The following LHFPL3 variants were observed in gnomAD, a reference collection of about 807,000 sequenced individuals.
LHFPL3 encodes LHFPL tetraspan subfamily member 3, also known as LHFPL tetraspan subfamily member 3 protein.
Under a neutral mutation model 19.3 loss-of-function variants are expected in LHFPL3, and 5 were observed. That is an observed-to-expected ratio of 0.26 (90% CI 0.14 to 0.54). The LOEUF (loss-of-function observed/expected upper bound fraction) is 0.54. Ranked by LOEUF, LHFPL3 falls within the 20% of genes least tolerant of loss-of-function variation. The pLI, the probability that LHFPL3 is intolerant of heterozygous loss-of-function variation, is 0.94. For missense variants in LHFPL3, 249 were observed against 307.4 expected, an observed-to-expected ratio of 0.81 and a Z score of 1.42; for synonymous variants, 133 against 126.2, an observed-to-expected ratio of 1.05 and a Z score of -0.36.
Position 104,363,601 on chromosome 7 carries a change from G to A in LHFPL3, c.445+34377G>A, listed in dbSNP as rs570445537. Among the ~76,000 whole-genome samples, 4 of 152,290 alleles carry A rather than the reference G, an allele frequency of 2.6e-5. No individual in the cohort carries two copies. The South Asian group carries it at 8.3e-4, about 32-fold the overall frequency. On this transcript the variant is annotated intron_variant, in intron 1 of 2. Transcript: ENST00000424859. ...AGGCTGAGACAGGTGAGGTATCTGT[G>A]GCATCCACTCTCAGTGTTGTGCAAG...
At chr7:104,421,031 A>G (rs1251353807) in intron 1 of LHFPL3, among the ~76,000 whole-genome samples, 1 of 152,206 alleles carries the variant, frequency 6.6e-6, no homozygotes, top group African/African-American at 2.4e-5. Flanking sequence ...ATAGCCAGAT[A>G]GAGAAGGTTG....
At chr7:104,733,578 G>T (rs1019566868) in intron 1 of LHFPL3, among the ~76,000 whole-genome samples, 2 of 152,122 alleles carry the variant, frequency 1.3e-5, no homozygotes, top group Non-Finnish European at 2.9e-5. Flanking sequence ...TTGCTTGGTA[G>T]ATCTTCCTCC....
At chr7:104,429,301 C>CTTTTTTTTTT (rs71823474) in intron 1 of LHFPL3, among the ~76,000 whole-genome samples, 1 of 84,530 alleles carries the variant, frequency 1.2e-5, no homozygotes, top group Non-Finnish European at 2.1e-5. Context: ...TATGTCATTC[C>CTTTTTTTTTT]TTTTTTTTTT....
intron 1 of LHFPL3, among the ~76,000 whole-genome samples, chr7:104,488,434 GC>G (rs142648122): frequency 0.097 from 14,820 of 152,076 alleles, 850 homozygotes; most frequent in Middle Eastern, 0.17. Context: ...AGATAAAAGG[GC>G]CAAGAAGGCA....
chr7:104,733,639 T>G (rs1793746089), intron 1 of LHFPL3, among the ~76,000 whole-genome samples: 2 of 152,230 alleles, frequency 1.3e-5, no homozygotes, highest in Non-Finnish European at 2.9e-5. Flanking sequence ...ATGGGTTTCC[T>G]GAATACAGCA....
At position 104,736,918 on chromosome 7, in the gene LHFPL3, T is replaced by C. The variant is rs1281858193; in HGVS notation, c.682+7T>C. On this transcript the variant is annotated splice_region_variant and intron_variant, in intron 2 of 2. Coordinates refer to ENST00000424859, the MANE Select transcript of LHFPL3 (RefSeq NM_199000.3). ...CTGAAGGCAGAAAACAAAGGTAAGA[T>C]TGCTTTAAGGAACTCTTACCTGGAT... 34 of 1,580,354 alleles carry C rather than the reference T, an allele frequency of 2.2e-5. No homozygotes were observed. The highest frequency in any genetic ancestry group is 2.8e-5 in the Non-Finnish European group (32 of 1,161,290).
At chr7:104,821,731 A>C (rs1168898376) in intron 2 of LHFPL3, among the ~76,000 whole-genome samples, 2 of 152,228 alleles carry the variant, frequency 1.3e-5, no homozygotes, top group African/African-American at 4.8e-5. Flanking sequence ...AAAGGCCTAA[A>C]GTAGCACAGT....
Position 104,372,509 on chromosome 7 carries a change from G to A in LHFPL3, c.445+43285G>A, listed in dbSNP as rs1330388039. ...TATTGGTCTACAAACTCAGTGTGCC[G>A]TTTGATACACTGAGGAGGCAATATG... On this transcript the variant is annotated intron_variant, in intron 1 of 2. Coordinates refer to ENST00000424859, the MANE Select transcript of LHFPL3 (RefSeq NM_199000.3). Among the ~76,000 whole-genome samples the A allele has an allele frequency of 5.9e-5, 9 of 152,204 alleles. No individual in the cohort carries two copies. In the South Asian group the frequency reaches 6.2e-4, roughly 11 times the overall value.
intron 1 of LHFPL3, among the ~76,000 whole-genome samples, chr7:104,365,716 G>A (rs1258784760): frequency 1.4e-5 from 2 of 142,906 alleles, no homozygotes; most frequent in African/African-American, 5.2e-5. Context: ...GGGAAGCAGA[G>A]CTTGCAGTGA....
At chr7:104,789,429 C>T (rs1183949604) in intron 2 of LHFPL3, among the ~76,000 whole-genome samples, 1 of 152,130 alleles carries the variant, frequency 6.6e-6, no homozygotes, top group African/African-American at 2.4e-5. Context: ...TCATTTTTAA[C>T]TGGATTGGAT....
chr7:104,585,455 A>G (rs1172138313), intron 1 of LHFPL3, among the ~76,000 whole-genome samples: 2 of 145,354 alleles, frequency 1.4e-5, no homozygotes, highest in African/African-American at 5.0e-5. Flanking sequence ...ATGAAAGTGG[A>G]AAGTGGAATA....
At chr7:104,700,200 G>A (rs781065519) in intron 1 of LHFPL3, among the ~76,000 whole-genome samples, 14 of 152,260 alleles carry the variant, frequency 9.2e-5, no homozygotes, top group Admixed American at 2.6e-4. Flanking sequence ...TGGCCATACC[G>A]CCATTTTATT....
intron 1 of LHFPL3, among the ~76,000 whole-genome samples, chr7:104,469,770 A>T (rs1190781586): frequency 1.3e-5 from 2 of 152,170 alleles, no homozygotes; most frequent in Non-Finnish European, 2.9e-5. Context: ...GTTATCAGAG[A>T]AACTTGAATC....
At chr7:104,725,148 T>G (rs1030843576) in intron 1 of LHFPL3, among the ~76,000 whole-genome samples, 4 of 152,220 alleles carry the variant, frequency 2.6e-5, no homozygotes, top group Non-Finnish European at 5.9e-5. Flanking sequence ...CTTATTCTCC[T>G]GTGGTTTTAA....
At chr7:104,679,851 G>T (rs533016609) in intron 1 of LHFPL3, among the ~76,000 whole-genome samples, 15 of 152,300 alleles carry the variant, frequency 9.8e-5, no homozygotes, top group African/African-American at 3.4e-4. Context: ...TCTTCACTCT[G>T]AAGGGAAGAG....
intron 1 of LHFPL3, among the ~76,000 whole-genome samples, chr7:104,484,299 A>T (rs987516578): frequency 1.3e-5 from 2 of 151,908 alleles, no homozygotes; most frequent in Non-Finnish European, 1.5e-5. Flanking sequence ...CCCATCAGGG[A>T]TCTCAAAGCA....
At chr7:104,410,295 G>C (rs1272984599) in intron 1 of LHFPL3, among the ~76,000 whole-genome samples, 1 of 152,122 alleles carries the variant, frequency 6.6e-6, no homozygotes, top group Admixed American at 6.5e-5. Context: ...ACCACATCCA[G>C]CTAATTTTTG....
intron 1 of LHFPL3, among the ~76,000 whole-genome samples, chr7:104,530,490 C>T (rs555280159): frequency 3.3e-4 from 50 of 152,222 alleles, no homozygotes; most frequent in African/African-American, 1.2e-3. Flanking sequence ...TAAAATTGAG[C>T]GTGACAAGTC....
intron 1 of LHFPL3, among the ~76,000 whole-genome samples, chr7:104,569,557 A>G (rs1281745550): frequency 2.0e-5 from 3 of 152,216 alleles, no homozygotes. Context: ...AGATAGTAAA[A>G]TGTTTACTAT....
Sources: allele counts gnomAD v4.1 joint callset (sites outside exome capture counted in the v4.1 genomes callset), GRCh38; gene constraint gnomAD v4.1.1; transcripts MANE v1.5; gene names NCBI Gene and HGNC (gene_info 2026-07-23, HGNC 2026-07-21).